Variants in LARGE1 observed in about 807,000 individuals in gnomAD.
LARGE1 encodes the protein LARGE xylosyl- and glucuronyltransferase 1, also known as xylosyl- and glucuronyltransferase LARGE1.
In LARGE1, 43 loss-of-function variants were observed where a neutral mutation model predicts 87.6. The observed-to-expected ratio is 0.49, with a 90% CI of 0.38 to 0.63. The LOEUF is 0.63. LARGE1 is among the 30% of genes least tolerant of loss of function. The pLI, the probability that LARGE1 is intolerant of heterozygous loss-of-function variation, is 0.00. For synonymous variants in LARGE1, 434 were observed against 394.6 expected (o/e 1.10, Z -1.18); for missense variants, 802 against 1,000.2 (o/e 0.80, Z 2.67).
At chr22:33,634,960 A>C (rs1262783655) in intron 3 of LARGE1, among the ~76,000 whole-genome samples, 1 of 152,148 alleles carries the variant, frequency 6.6e-6, no homozygotes. Context: ...ACTAAAAAAA[A>C]TACAAAAATT....
chr22:33,541,502 CT>C (rs1232822704), intron 6 of LARGE1, among the ~76,000 whole-genome samples: 1 of 152,072 alleles, frequency 6.6e-6, no homozygotes, highest in Non-Finnish European at 1.5e-5. Context: ...CATTCTTTAC[CT>C]TTGTGCTGAT....
At chr22:33,211,704 C>T (rs897146723) in intron 11 of LARGE1, among the ~76,000 whole-genome samples, 3 of 152,056 alleles carry the variant, frequency 2.0e-5, no homozygotes, top group Non-Finnish European at 4.4e-5. Flanking sequence ...ACCCCAGAGA[C>T]GGCGGCTGCA....
intron 6 of LARGE1, among the ~76,000 whole-genome samples, chr22:33,457,648 CA>C (rs2068193942): frequency 6.6e-6 from 1 of 151,564 alleles, no homozygotes; most frequent in South Asian, 2.1e-4. Flanking sequence ...AAAAAGTGTA[CA>C]AAAAAGGAAT....
At chr22:33,837,130 C>T (rs2063131018) in intron 1 of LARGE1, among the ~76,000 whole-genome samples, 1 of 152,110 alleles carries the variant, frequency 6.6e-6, no homozygotes, top group Non-Finnish European at 1.5e-5. Context: ...CCCACTGCTA[C>T]ATCCATGATT....
intron 6 of LARGE1, among the ~76,000 whole-genome samples, chr22:33,530,174 G>T (rs1015419042): frequency 2.0e-5 from 3 of 152,154 alleles, no homozygotes; most frequent in South Asian, 4.1e-4. Context: ...TCCTGTTTGG[G>T]ACTCTGAAGA....
intron 2 of LARGE1, among the ~76,000 whole-genome samples, chr22:33,748,019 T>A (rs1236662549): frequency 1.3e-5 from 1 of 75,648 alleles, no homozygotes; most frequent in East Asian, 4.7e-4. Flanking sequence ...TGCCCTCTGC[T>A]GGAGCAAAAA....
chr22:33,594,237 T>C lies in LARGE1; in HGVS notation c.615+10198A>G, dbSNP rs1338141923. ...CCTTTTGGTGCTTGACAATTTTCCTTGAGTTTCATCATCCTAGGGATGAAG... is the reference window on the plus strand; with the variant it reads ...CCTTTTGGTGCTTGACAATTTTCCTCGAGTTTCATCATCCTAGGGATGAAG... On this transcript the variant is annotated intron_variant, in intron 5 of 14. Transcript: ENST00000397394. Among the ~76,000 whole-genome samples, 6 of 152,296 alleles carry C rather than the reference T, an allele frequency of 3.9e-5. No homozygotes were observed. The South Asian group carries it at 1.2e-3, about 32-fold the overall frequency.
intron 1 of LARGE1, among the ~76,000 whole-genome samples, chr22:33,770,971 C>T (rs2085051228): frequency 6.6e-6 from 1 of 152,138 alleles, no homozygotes. Flanking sequence ...TAACCAGGTT[C>T]ACATTCTAGG....
the LARGE1 span, among the ~76,000 whole-genome samples, chr22:33,128,680 C>CAAAAAAAAAAAAAAAAAAAAAAAAAAA: frequency 9.1e-6 from 1 of 110,316 alleles, no homozygotes; most frequent in Non-Finnish European, 1.8e-5. Context: ...GTCTCAAAAA[C>CAAAAAAAAAAAAAAAAAAAAAAAAAAA]AAAAAAAAAA....
chr22:33,786,691 C>A (rs1170408549), intron 1 of LARGE1, among the ~76,000 whole-genome samples: 3 of 152,176 alleles, frequency 2.0e-5, no homozygotes, highest in Admixed American at 2.0e-4. Context: ...TTCCTCAGTA[C>A]CAAATACCTG....
chr22:33,911,367 CAG>C (rs1419856567), intron 1 of LARGE1, among the ~76,000 whole-genome samples: 1 of 152,128 alleles, frequency 6.6e-6, no homozygotes, highest in African/African-American at 2.4e-5. Flanking sequence ...CGGAAGGCAT[CAG>C]AGAGTGCTCT....
At chr22:33,912,878 G>T (rs1328155231) in intron 1 of LARGE1, among the ~76,000 whole-genome samples, 2 of 150,338 alleles carry the variant, frequency 1.3e-5, no homozygotes, top group Admixed American at 1.3e-4. Context: ...TTTCCAGGCT[G>T]GAGCGCAATG....
the LARGE1 span, among the ~76,000 whole-genome samples, chr22:33,081,714 C>T: frequency 6.6e-6 from 1 of 152,128 alleles, no homozygotes; most frequent in African/African-American, 2.4e-5. Context: ...TAGCCTTCTA[C>T]CCTCATGTCT....
intron 10 of LARGE1, among the ~76,000 whole-genome samples, chr22:33,330,497 A>G (rs1937593981): frequency 6.6e-6 from 1 of 152,094 alleles, no homozygotes; most frequent in East Asian, 1.9e-4. Flanking sequence ...CATTTCTTGG[A>G]TATTCTTGAG....
rs2068887752 is a variant in LARGE1, at chr22:33,472,489, C to T, written c.788-40224G>A. The stretch of plus-strand genomic sequence containing the variant: ...TCCTAGTGGGGTATTTTGGAAACCT[C>T]TGCAGGTGTTTTTTGTTGTTGCTAT... On this transcript the variant is annotated intron_variant, in intron 6 of 14. Transcript: ENST00000397394. Among the ~76,000 whole-genome samples the T allele has an allele frequency of 4.6e-5, 7 of 152,026 alleles. 1 individual carries two copies. In the South Asian group the frequency reaches 1.5e-3, roughly 32 times the overall value.
intron 2 of LARGE1, among the ~76,000 whole-genome samples, chr22:33,677,508 A>G (rs778105162): frequency 4.0e-5 from 6 of 151,774 alleles, no homozygotes; most frequent in Non-Finnish European, 8.8e-5. Context: ...CACTGTCTCC[A>G]TATTTTTTCT....
At chr22:33,285,692 A>T (rs1161637285) in intron 12 of LARGE1, among the ~76,000 whole-genome samples, 1 of 152,164 alleles carries the variant, frequency 6.6e-6, no homozygotes, top group Non-Finnish European at 1.5e-5. Flanking sequence ...CACTTCACTC[A>T]ACCAGACGTT....
chr22:33,920,377 G>C lies in LARGE1; in HGVS notation c.-465C>G, dbSNP rs1245309560. 1 of 151,604 alleles carries C rather than the reference G, an allele frequency of 6.6e-6. No homozygotes were observed. The highest frequency in any genetic ancestry group is 2.0e-4 in the East Asian group (1 of 5,024). The allele number at this position is 151,604 out of a possible 1,614,324, so 9.4% of individuals were successfully genotyped here. A position where few individuals can be genotyped will look rare whatever the true frequency, so the allele number is the denominator to read the frequency against. ...CGCTCCAAGCCGATTCGTCCCTTCA[G>C]GGCAGGGCCTGCCCGCGAACAGCCC... On this transcript the variant is annotated 5_prime_UTR_variant, in exon 1 of 15. Coordinates refer to ENST00000397394, the MANE Select transcript of LARGE1 (RefSeq NM_133642.5).
At chr22:33,770,765 GTGTA>G (rs932395737) in intron 1 of LARGE1, among the ~76,000 whole-genome samples, 17 of 152,144 alleles carry the variant, frequency 1.1e-4, no homozygotes, top group Admixed American at 9.2e-4. Context: ...AAAATTTTAT[GTGTA>G]TGTGTGTGCA....
Sources: allele counts gnomAD v4.1 joint callset (sites outside exome capture counted in the v4.1 genomes callset), GRCh38; gene constraint gnomAD v4.1.1; transcripts MANE v1.5; gene names NCBI Gene and HGNC (gene_info 2026-07-23, HGNC 2026-07-21).